Variants in USP24 observed in about 807,000 individuals in gnomAD.
USP24 encodes ubiquitin specific peptidase 24.
Under a neutral mutation model 361.6 loss-of-function variants are expected in USP24, and 97 were observed. The observed-to-expected ratio is 0.27, with a 90% CI of 0.23 to 0.32. USP24 has a LOEUF of 0.32. Ranked by LOEUF, USP24 falls within the 10% of genes least tolerant of loss-of-function variation. The pLI is 1.00. For missense variants in USP24, 2,353 were observed against 3,165.6 expected (o/e 0.74, Z 6.16); for synonymous variants, 1,098 against 1,124.6 (o/e 0.98, Z 0.47).
intron 62 of USP24, 33 bp from the exon 63 acceptor site, chr1:55,075,556 AAAG>A: frequency 6.5e-7 from 1 of 1,547,532 alleles, no homozygotes; most frequent in South Asian, 1.2e-5. Context: ...TTAGTAAATA[AAAG>A]AAGGAACTTG....
In USP24 at chr1:55,214,905, G is replaced by T; in HGVS notation, c.209C>A (p.Pro70Gln). ...GCCGTCACCTCCGCCGTCGCCCCGC[G>T]GGCCCCCGCCGGGCCCGGGGCTGGG... ...GGPSPGPGGG[P>Q]RGDGGGDGGG... Residue 70 changes from proline (P) to glutamine (Q), a missense_variant, in exon 1 of 68, where the codon CCG (proline) becomes CAG (glutamine). This residue lies in a region of USP24 where 253 missense variants were observed against 255.3 expected (regional missense o/e 0.99). Transcript: ENST00000294383. The T allele has an allele frequency of 7.8e-7, 1 of 1,279,318 alleles. No individual in the cohort carries two copies. Among genetic ancestry groups the T allele is most frequent in the Non-Finnish European group, 9.9e-7 (1 of 1,005,652 alleles). The allele number at this position is 1,279,318 out of a possible 1,614,324, so 79.2% of individuals were successfully genotyped here.
rs747796078 is a variant in USP24 at position 55,071,810 on chromosome 1, A to G, written c.7800+4T>C. On this transcript the variant is annotated splice_donor_region_variant and intron_variant, in intron 67 of 67. Transcript: ENST00000294383. ...TGCACACAAGGACATGCTGACCGTT[A>G]TACCTGCTGTAGATGCCTGTCTCCG... 2.5e-6 allele frequency: 4 copies of G among 1,610,718 alleles called. No homozygotes were observed. Among genetic ancestry groups the G allele is most frequent in the East Asian group, 2.2e-5 (1 of 44,824 alleles).
intron 8 of USP24, among the ~76,000 whole-genome samples, 186 bp from the exon 9 acceptor site, chr1:55,159,871 G>C (rs1267953970): frequency 6.6e-6 from 1 of 152,126 alleles, no homozygotes; most frequent in Non-Finnish European, 1.5e-5. Flanking sequence ...CTTAATCTTA[G>C]GTGCCTCAGC....
At chr1:55,194,505 A>AGG (rs1457320024) in intron 1 of USP24, among the ~76,000 whole-genome samples, 1 of 152,052 alleles carries the variant, frequency 6.6e-6, no homozygotes, top group African/African-American at 2.4e-5. Flanking sequence ...TGGGAGGTTG[A>AGG]GGTGGGTGAT....
chr1:55,130,786 T>C (rs772950231), intron 31 of USP24, among the ~76,000 whole-genome samples: 4 of 152,216 alleles, frequency 2.6e-5, no homozygotes, highest in African/African-American at 4.8e-5. Context: ...CAAGGAAATA[T>C]TCACTTTGAA....
At chr1:55,141,794 TGGACA>T in intron 23 of USP24, 63 bp from the exon 24 acceptor site, 1 of 1,451,074 alleles carries the variant, frequency 6.9e-7, no homozygotes, top group Non-Finnish European at 9.5e-7. Context: ...AGTGACATTC[TGGACA>T]GGATAATTTG....
intron 1 of USP24, among the ~76,000 whole-genome samples, chr1:55,191,144 A>G (rs145934298): frequency 4.8e-4 from 73 of 152,338 alleles, no homozygotes; most frequent in Admixed American, 2.1e-3. Context: ...AAAAATTTTT[A>G]ATAACATTAA....
At chr1:55,200,491 T>A (rs1379096111) in intron 1 of USP24, among the ~76,000 whole-genome samples, 1 of 152,204 alleles carries the variant, frequency 6.6e-6, no homozygotes, top group African/African-American at 2.4e-5. Context: ...ATAGTTACCA[T>A]ACTACTGTTT....
chr1:55,101,597 G>A lies in USP24; in HGVS notation c.5132C>T (p.Pro1711Leu). The change falls in exon 43 of 68, where the codon CCT (proline) becomes CTT (leucine). Residue 1711 changes from proline to leucine, a missense_variant. Coordinates refer to ENST00000294383, the MANE Select transcript of USP24 (RefSeq NM_015306.3). ...AAAAGAAATCACCTCAGGGAGCCCAGGTTGCATATACAGCTGCTGGAAGAC... is the reference window on the plus strand; with the variant it reads ...AAAAGAAATCACCTCAGGGAGCCCAAGTTGCATATACAGCTGCTGGAAGAC... ...NAVFQQLYMQ[P>L]GLPESLLSVD... 2 of 1,611,564 alleles carry A rather than the reference G, an allele frequency of 1.2e-6. No homozygotes were observed. Among genetic ancestry groups the A allele is most frequent in the East Asian group, 2.2e-5 (1 of 44,830 alleles).
intron 28 of USP24, among the ~76,000 whole-genome samples, chr1:55,137,030 A>C (rs1007961125): frequency 1.3e-5 from 2 of 152,180 alleles, no homozygotes; most frequent in Non-Finnish European, 2.9e-5. Flanking sequence ...AGGGAGATGA[A>C]GAGAAATTGG....
chr1:55,107,204 G>C (rs1057144083), intron 40 of USP24, 35 bp downstream of exon 40: 11 of 1,586,122 alleles, frequency 6.9e-6, no homozygotes, highest in Non-Finnish European at 9.4e-6. Context: ...GAGCACTGAA[G>C]AATCTGCCAT....
chr1:55,108,750 T>G (rs1443136302), intron 39 of USP24, among the ~76,000 whole-genome samples: 1 of 152,210 alleles, frequency 6.6e-6, no homozygotes, highest in African/African-American at 2.4e-5. Context: ...TGTAGCCAAC[T>G]CATGATTCCT....
intron 39 of USP24, 60 bp downstream of exon 39, chr1:55,110,125 G>A: frequency 7.5e-7 from 1 of 1,335,978 alleles, no homozygotes; most frequent in Non-Finnish European, 1.0e-6. Flanking sequence ...AAATGTCCGT[G>A]TGACTTTCTC....
intron 31 of USP24, among the ~76,000 whole-genome samples, 164 bp downstream of exon 31, chr1:55,132,381 C>T (rs1473757181): frequency 6.6e-6 from 1 of 152,216 alleles, no homozygotes; most frequent in Admixed American, 6.5e-5. Flanking sequence ...TTTGCATATT[C>T]AAAGGCAAAA....
intron 1 of USP24, among the ~76,000 whole-genome samples, chr1:55,200,014 G>C (rs1394687856): frequency 6.6e-6 from 1 of 152,172 alleles, no homozygotes; most frequent in Non-Finnish European, 1.5e-5. Context: ...ATCAGATCTT[G>C]TGAGACTTAT....
At chr1:55,077,177 A>AAC in intron 62 of USP24, 58 bp downstream of exon 62, 1 of 1,347,702 alleles carries the variant, frequency 7.4e-7, no homozygotes, top group Non-Finnish European at 9.8e-7. Flanking sequence ...TTTATTTATA[A>AAC]ACACTTGTTG....
intron 32 of USP24, among the ~76,000 whole-genome samples, 195 bp from the exon 33 acceptor site, chr1:55,125,953 C>T (rs2100618317): frequency 6.6e-6 from 1 of 152,334 alleles, no homozygotes; most frequent in South Asian, 2.1e-4. Context: ...CTCCCTGCTT[C>T]TGCTCTTGAC....
intron 18 of USP24, among the ~76,000 whole-genome samples, chr1:55,147,272 AT>A (rs1225637152): frequency 6.6e-6 from 1 of 152,196 alleles, no homozygotes; most frequent in African/African-American, 2.4e-5. Context: ...AATTCAGTTG[AT>A]TTTGGATGTC....
rs373843720 is a variant in USP24, at chr1:55,120,769, G to C, written c.4348-13C>G. ...CAACCCGGCGAATCTGAAATTACATGATCAGCAGCAAAGGACAGACATGAA... is the reference window on the plus strand; with the variant it reads ...CAACCCGGCGAATCTGAAATTACATCATCAGCAGCAAAGGACAGACATGAA... On this transcript the variant is annotated splice_polypyrimidine_tract_variant and intron_variant, in intron 37 of 67. Transcript: ENST00000294383. 1.1e-3 allele frequency: 1,638 copies of C among 1,554,232 alleles called. 1 individual carries two copies. The highest frequency in any genetic ancestry group is 1.4e-3 in the Non-Finnish European group (1,580 of 1,148,542).
Sources: gnomAD v4.1 joint callset for allele counts (sites outside exome capture counted in the v4.1 genomes callset) on GRCh38, gnomAD v4.1.1 for gene constraint, gnomAD v4.1.1 regional missense constraint, MANE v1.5 for transcripts, NCBI Gene and HGNC (gene_info 2026-07-23, HGNC 2026-07-21) for gene names.